STAM2: variants seen among roughly 807,000 people sequenced by gnomAD.
STAM2 encodes the protein signal transducing adaptor molecule 2.
In STAM2, 51 loss-of-function variants were observed where a neutral mutation model predicts 65.6. The ratio of observed to expected loss-of-function variants is 0.78; its 90% CI spans 0.62 to 0.98. The LOEUF (loss-of-function observed/expected upper bound fraction) is 0.98. Among genes scored for constraint, STAM2 ranks in the 50% least tolerant of loss-of-function variants. The pLI is 0.00. For missense variants in STAM2, 584 were observed against 617.8 expected (o/e 0.95, Z 0.58); for synonymous variants, 198 against 208.4 (o/e 0.95, Z 0.43).
intron 6 of STAM2, 193 bp downstream of exon 6, chr2:152,144,695 C>T (rs879742069): frequency 6.7e-6 from 3 of 448,252 alleles, no homozygotes; most frequent in Non-Finnish European, 1.2e-5. Flanking sequence ...CCCGCCACCA[C>T]GCCCAGCTAA....
intron 11 of STAM2, among the ~76,000 whole-genome samples, chr2:152,130,412 C>T (rs1416190757): frequency 9.2e-5 from 14 of 152,012 alleles, no homozygotes; most frequent in Admixed American, 5.9e-4. Context: ...CCACCACGCC[C>T]GGCTAATTTT....
At chr2:152,125,337 C>CT (rs1419310766) in intron 12 of STAM2, among the ~76,000 whole-genome samples, 1 of 152,100 alleles carries the variant, frequency 6.6e-6, no homozygotes, top group African/African-American at 2.4e-5. Context: ...AGTGACTATT[C>CT]TTTTTTTACT....
Position 152,125,492 on chromosome 2 carries a change from T to C in STAM2, c.1179+734A>G, listed in dbSNP as rs146730085. 3.1e-3 allele frequency among the ~76,000 whole-genome samples: 465 copies of C among 152,290 alleles called. 1 individual carries two copies. Among genetic ancestry groups the C allele is most frequent in the African/African-American group, 0.01 (421 of 41,560 alleles). On this transcript the variant is annotated intron_variant, in intron 12 of 13. Transcript: ENST00000263904. ...TCATCCAAGCTCATTCTGAATTCAA[T>C]TGGCTAATTGGCTGAAATTTCAAAA...
intron 1 of STAM2, among the ~76,000 whole-genome samples, chr2:152,151,925 GGGTTGGTT>G (rs761550527): frequency 1.3e-5 from 2 of 152,038 alleles, no homozygotes; most frequent in African/African-American, 2.4e-5. Flanking sequence ...ATGAACATCT[GGGTTGGTT>G]GGTTGGTTGG....
intron 11 of STAM2, among the ~76,000 whole-genome samples, chr2:152,127,440 A>G (rs1560210227): frequency 6.6e-6 from 1 of 152,206 alleles, no homozygotes; most frequent in Non-Finnish European, 1.5e-5. Flanking sequence ...AATTTGGGTA[A>G]GAATCTGGGC....
At chr2:152,123,120 G>A (rs1688887846) in intron 13 of STAM2, among the ~76,000 whole-genome samples, 1 of 151,112 alleles carries the variant, frequency 6.6e-6, no homozygotes, top group East Asian at 1.9e-4. Context: ...TATAATCCCA[G>A]CACTTTGGGA....
intron 1 of STAM2, among the ~76,000 whole-genome samples, chr2:152,174,011 A>T (rs377597405): frequency 6.6e-6 from 1 of 152,144 alleles, no homozygotes; most frequent in African/African-American, 2.4e-5. Context: ...TTTAATCTCA[A>T]CAGCAGTGCC....
At chr2:152,173,406 A>ATATATATATGTATACATAGATATATATT (rs1560227709) in intron 1 of STAM2, among the ~76,000 whole-genome samples, 1 of 145,226 alleles carries the variant, frequency 6.9e-6, no homozygotes, top group Admixed American at 6.9e-5. Flanking sequence ...ATATATATAT[A>ATATATATATGTATACATAGATATATATT]TTTTTTTTCG....
chr2:152,175,660 C>G lies in STAM2; in HGVS notation c.-18G>C. 1 of 1,608,102 alleles carries G rather than the reference C, an allele frequency of 6.2e-7. No individual in the cohort carries two copies. The highest frequency in any genetic ancestry group is 8.5e-7 in the Non-Finnish European group (1 of 1,177,466). ...AAAGGCATCTCGCCGGCGCCCGAGC[C>G]CTAGTCGCTGCTGTCTAGCTGACAC... On this transcript the variant is annotated 5_prime_UTR_variant, in exon 1 of 14. Transcript: ENST00000263904.
intron 3 of STAM2, 49 bp downstream of exon 3, chr2:152,148,175 TA>T: frequency 6.3e-7 from 1 of 1,592,604 alleles, no homozygotes; most frequent in Non-Finnish European, 8.6e-7. Flanking sequence ...TTACTGTAAT[TA>T]AAAACACATT....
intron 1 of STAM2, among the ~76,000 whole-genome samples, chr2:152,173,311 AAAT>A (rs1689931894): frequency 6.8e-6 from 1 of 146,808 alleles, no homozygotes; most frequent in African/African-American, 2.5e-5. Context: ...ATCTCAAGTC[AAAT>A]AATGACTTGC....
At chr2:152,142,606 T>C (rs1459781760) in intron 7 of STAM2, among the ~76,000 whole-genome samples, 1 of 152,268 alleles carries the variant, frequency 6.6e-6, no homozygotes, top group East Asian at 1.9e-4. Flanking sequence ...GGTTTTTACT[T>C]TCAGTACAGT....
intron 12 of STAM2, 93 bp from the exon 13 acceptor site, chr2:152,124,028 C>CTATA: frequency 9.3e-7 from 1 of 1,078,084 alleles, no homozygotes; most frequent in Non-Finnish European, 1.3e-6. Context: ...AGGAAAGAAA[C>CTATA]TATACTTCTT....
In STAM2 at chr2:152,152,623, G is replaced by C. The variant is rs534015658; in HGVS notation, c.41-2394C>G. 6.6e-5 allele frequency among the ~76,000 whole-genome samples: 10 copies of C among 152,210 alleles called. No individual in the cohort carries two copies. The South Asian group carries it at 2.1e-3, about 32-fold the overall frequency. ...TGATGCGATGAACATTCATATACAA[G>C]TCTCTGTGTGGACATTACGCCTTCA... On this transcript the variant is annotated intron_variant, in intron 1 of 13. Coordinates refer to ENST00000263904, the MANE Select transcript of STAM2 (RefSeq NM_005843.6).
chr2:152,128,886 A>T (rs779301837), intron 11 of STAM2, among the ~76,000 whole-genome samples: 5 of 152,236 alleles, frequency 3.3e-5, no homozygotes, highest in Non-Finnish European at 5.9e-5. Context: ...TTTTCTTAGT[A>T]GGAATAACAA....
intron 7 of STAM2, among the ~76,000 whole-genome samples, chr2:152,142,163 C>T (rs1018019154): frequency 5.3e-5 from 8 of 152,134 alleles, no homozygotes; most frequent in African/African-American, 1.9e-4. Context: ...GGTGTCCTAT[C>T]GTCAAAATGA....
intron 1 of STAM2, among the ~76,000 whole-genome samples, chr2:152,152,138 G>T (rs1339092107): frequency 1.3e-5 from 2 of 152,138 alleles, no homozygotes; most frequent in African/African-American, 4.8e-5. Context: ...ACGGGGTTTT[G>T]CCATGTTGCC....
chr2:152,144,043 C>T, intron 6 of STAM2, 30 bp from the exon 7 acceptor site: 11 of 1,563,104 alleles, frequency 7.0e-6, no homozygotes, highest in Non-Finnish European at 9.5e-6. Context: ...TGCAAAGAAA[C>T]TGGAATTAAT....
At chr2:152,148,184 A>C in intron 3 of STAM2, 41 bp downstream of exon 3, 1 of 1,594,872 alleles carries the variant, frequency 6.3e-7, no homozygotes, top group African/African-American at 1.3e-5. Flanking sequence ...TTAAAAACAC[A>C]TTTAAAATTT....
Sources: allele counts gnomAD v4.1 joint callset (sites outside exome capture counted in the v4.1 genomes callset), GRCh38; gene constraint gnomAD v4.1.1; transcripts MANE v1.5; gene names NCBI Gene and HGNC (gene_info 2026-07-23, HGNC 2026-07-21).